NID2: variants seen among roughly 807,000 people sequenced by gnomAD.
The protein encoded by NID2 is nidogen-2.
Under a neutral mutation model 145.4 loss-of-function variants are expected in NID2, and 83 were observed. The ratio of observed to expected loss-of-function variants is 0.57; its 90% confidence interval spans 0.48 to 0.69. The LOEUF is 0.69. Among genes scored for constraint, NID2 ranks in the 30% least tolerant of loss-of-function variants. NID2 has a pLI of 0.00. For missense variants in NID2, 1,807 were observed against 1,765.7 expected, an observed-to-expected ratio of 1.02 and a Z score of -0.42; for synonymous variants, 739 against 701.3, an observed-to-expected ratio of 1.05 and a Z score of -0.85.
At chr14:52,016,941 C>T (rs961648893) in intron 14 of NID2, among the ~76,000 whole-genome samples, 1 of 152,188 alleles carries the variant, frequency 6.6e-6, no homozygotes, top group Non-Finnish European at 1.5e-5. Flanking sequence ...TTGGGGGAAG[C>T]GAATGCCGTT....
chr14:52,011,519 A>C, intron 17 of NID2, 35 bp downstream of exon 17: 1 of 1,612,636 alleles, frequency 6.2e-7, no homozygotes, highest in Non-Finnish European at 8.5e-7. Flanking sequence ...TTGTAGAATC[A>C]AATGAAATGC....
chr14:52,030,608 GAA>G (rs1891815757), intron 9 of NID2, among the ~76,000 whole-genome samples: 2 of 76,976 alleles, frequency 2.6e-5, no homozygotes, highest in South Asian at 9.0e-4. Context: ...GAAAGAAAGA[GAA>G]AGAAAAAGAA....
intron 20 of NID2, chr14:52,006,103 AAT>A (rs1890768775): frequency 4.1e-6 from 2 of 483,896 alleles, no homozygotes; most frequent in African/African-American, 1.9e-5. Context: ...CTTAGACTTT[AAT>A]GTTCCACAGT....
intron 10 of NID2, among the ~76,000 whole-genome samples, chr14:52,029,338 CA>C (rs2140376625): frequency 6.6e-6 from 1 of 152,314 alleles, no homozygotes; most frequent in South Asian, 2.1e-4. Flanking sequence ...AGCCCCGGTG[CA>C]AAATCCACTC....
Position 52,030,571 on chromosome 14 carries a change from A to C in NID2, c.2258-881T>G, listed in dbSNP as rs867034230. 2.7e-3 allele frequency among the ~76,000 whole-genome samples: 153 copies of C among 57,614 alleles called. 6 individuals are homozygous for C. Among genetic ancestry groups the C allele is most frequent in the South Asian group, 5.8e-3 (8 of 1,378 alleles). The allele number at this position is 57,614 out of a possible 152,430, so 37.8% of individuals were successfully genotyped here. On this transcript the variant is annotated intron_variant, in intron 9 of 21. Transcript: ENST00000216286. ...AAGAAAGAAAGAAAGAAAGAAAGGA[A>C]GGAAGGGAAAGAAAGAAAGAAAGAA... is the stretch of plus-strand genomic sequence containing the variant.
chr14:52,067,373 G>A (rs373311054), intron 2 of NID2, among the ~76,000 whole-genome samples: 1 of 152,176 alleles, frequency 6.6e-6, no homozygotes, highest in Non-Finnish European at 1.5e-5. Flanking sequence ...ACTCATCATT[G>A]TTAATAGACA....
chr14:52,005,974 T>G, intron 20 of NID2, 125 bp from the exon 21 acceptor site: 1 of 679,232 alleles, frequency 1.5e-6, no homozygotes, highest in Non-Finnish European at 2.6e-6. Context: ...CCAGGGCTGG[T>G]GCTAAAGCCA....
Position 52,005,476 on chromosome 14 carries a change from A to G in NID2, c.*10T>C, listed in dbSNP as rs377006679. On this transcript the variant is annotated 3_prime_UTR_variant, in exon 22 of 22. Coordinates refer to ENST00000216286, the MANE Select transcript of NID2 (RefSeq NM_007361.4). ...TTGTAAACTCCAAGTCTTCCTTTAC[A>G]TTACTGTACTTACTTTCTTCCTGTG... is the stretch of plus-strand genomic sequence containing the variant. 2.8e-5 allele frequency: 45 copies of G among 1,591,092 alleles called. No homozygotes were observed. In the African/African-American group the frequency reaches 3.8e-4, roughly 13 times the overall value.
intron 2 of NID2, among the ~76,000 whole-genome samples, chr14:52,066,214 C>T (rs1595060575): frequency 1.3e-5 from 2 of 152,014 alleles, no homozygotes; most frequent in East Asian, 1.9e-4. Context: ...ATTCCAAAAA[C>T]CTTGCATTTA....
chr14:52,019,939 A>C (rs1891341192), intron 13 of NID2, 120 bp downstream of exon 13: 2 of 1,389,212 alleles, frequency 1.4e-6, no homozygotes, highest in Admixed American at 2.3e-5. Flanking sequence ...AAAAAAATCC[A>C]CAGCTTGGAA....
intron 20 of NID2, 84 bp from the exon 21 acceptor site, chr14:52,005,933 T>G (rs1890762002): frequency 5.9e-6 from 6 of 1,022,440 alleles, no homozygotes; most frequent in African/African-American, 1.6e-5. Context: ...TCAGTTGCAA[T>G]AGAGGAAAAT....
At chr14:52,046,429 G>A (rs1007286271) in intron 5 of NID2, among the ~76,000 whole-genome samples, 2 of 151,446 alleles carry the variant, frequency 1.3e-5, no homozygotes, top group African/African-American at 2.4e-5. Flanking sequence ...GGCTTGGATT[G>A]TATCTTATTT....
intron 8 of NID2, 66 bp downstream of exon 8, chr14:52,040,585 C>T: frequency 1.4e-6 from 2 of 1,394,848 alleles, no homozygotes; most frequent in Non-Finnish European, 2.0e-6. Context: ...TCATTTAAGC[C>T]TTGTATCTAT....
intron 12 of NID2, among the ~76,000 whole-genome samples, chr14:52,026,349 G>A (rs1446490475): frequency 6.6e-6 from 1 of 152,194 alleles, no homozygotes; most frequent in Non-Finnish European, 1.5e-5. Context: ...CCAGGAGCAG[G>A]GGAAAGTCTG....
chr14:52,056,325 A>G (rs565819235), intron 3 of NID2, among the ~76,000 whole-genome samples: 14 of 152,216 alleles, frequency 9.2e-5, no homozygotes, highest in Non-Finnish European at 1.8e-4. Flanking sequence ...TTTTGTCATT[A>G]TGCATAATGG....
chr14:52,046,106 G>A (rs1595042952), intron 5 of NID2, among the ~76,000 whole-genome samples: 2 of 152,064 alleles, frequency 1.3e-5, no homozygotes, highest in African/African-American at 4.8e-5. Flanking sequence ...GGCGGATCAC[G>A]AGGTCAGGAG....
At chr14:52,012,729 T>C (rs1891078917) in intron 16 of NID2, among the ~76,000 whole-genome samples, 1 of 151,958 alleles carries the variant, frequency 6.6e-6, no homozygotes, top group South Asian at 2.1e-4. Context: ...ATAATAAAAA[T>C]AAAAAAAATG....
intron 14 of NID2, among the ~76,000 whole-genome samples, chr14:52,017,267 C>T (rs1314154637): frequency 6.6e-6 from 1 of 152,176 alleles, no homozygotes; most frequent in African/African-American, 2.4e-5. Flanking sequence ...CCCTTTCATT[C>T]GTTACTATTT....
intron 7 of NID2, 25 bp from the exon 8 acceptor site, chr14:52,040,876 A>T (rs1177126947): frequency 1.2e-6 from 2 of 1,607,752 alleles, no homozygotes; most frequent in Middle Eastern, 1.7e-4. Flanking sequence ...CATTCAGCAC[A>T]GGGATGAAAA....
Sources: allele counts gnomAD v4.1 joint callset (sites outside exome capture counted in the v4.1 genomes callset), GRCh38; gene constraint gnomAD v4.1.1; transcripts MANE v1.5; gene names NCBI Gene and HGNC (gene_info 2026-07-23, HGNC 2026-07-21).